ZBTB20: variants seen among roughly 807,000 people sequenced by gnomAD.
ZBTB20 encodes zinc finger and BTB domain containing 20.
A neutral mutation model predicts 56.9 loss-of-function variants in ZBTB20; 9 were observed. That is an observed-to-expected ratio of 0.16 (90% CI 0.10 to 0.28). The LOEUF (loss-of-function observed/expected upper bound fraction) is 0.28. Among genes scored for constraint, ZBTB20 ranks in the 10% least tolerant of loss-of-function variants. ZBTB20 has a pLI of 1.00. For missense variants in ZBTB20, 655 were observed against 1,003.0 expected (o/e 0.65, Z 4.69); for synonymous variants, 417 against 420.7 (o/e 0.99, Z 0.11).
At chr3:114,566,394 T>C (rs1418491227) in intron 6 of ZBTB20, among the ~76,000 whole-genome samples, 2 of 152,200 alleles carry the variant, frequency 1.3e-5, no homozygotes, top group South Asian at 2.1e-4. Flanking sequence ...AAAGAAGAGG[T>C]GGGTGGTTCC....
intron 8 of ZBTB20, among the ~76,000 whole-genome samples, chr3:114,383,119 T>C (rs1285285312): frequency 6.6e-6 from 1 of 152,244 alleles, no homozygotes; most frequent in Middle Eastern, 3.2e-3. Context: ...ACTACCTGAC[T>C]GGCTGCTTTT....
At chr3:114,712,067 G>A (rs1268590275) in intron 5 of ZBTB20, among the ~76,000 whole-genome samples, 3 of 152,162 alleles carry the variant, frequency 2.0e-5, no homozygotes, top group East Asian at 3.9e-4. Flanking sequence ...TCCTGGCAGC[G>A]ATCAGTGAGT....
At chr3:114,769,548 AATGCATATATATATATATATATAT>A (rs1162765121) in intron 5 of ZBTB20, among the ~76,000 whole-genome samples, 9 of 100,312 alleles carry the variant, frequency 9.0e-5, no homozygotes, top group African/African-American at 3.3e-4. Context: ...TGTGTGCCAA[AATGCATATATATATATATATATAT>A]ATATATATAT....
intron 7 of ZBTB20, among the ~76,000 whole-genome samples, chr3:114,496,465 C>T (rs571872477): frequency 2.6e-5 from 4 of 152,288 alleles, no homozygotes; most frequent in African/African-American, 7.2e-5. Flanking sequence ...CACTGGGGGA[C>T]CTGGGCTTTC....
At chr3:115,077,786 G>A (rs1208180665) in intron 1 of ZBTB20, among the ~76,000 whole-genome samples, 1 of 152,092 alleles carries the variant, frequency 6.6e-6, no homozygotes, top group Non-Finnish European at 1.5e-5. Flanking sequence ...CTGTTGGTAG[G>A]AATGCAAAAT....
chr3:114,880,799 C>T (rs546897562), intron 4 of ZBTB20, among the ~76,000 whole-genome samples: 2 of 152,046 alleles, frequency 1.3e-5, no homozygotes, highest in Non-Finnish European at 2.9e-5. Context: ...TAATATATTG[C>T]TAGTTGAAAA....
chr3:115,051,063 A>C (rs1419032890), intron 2 of ZBTB20, among the ~76,000 whole-genome samples: 1 of 152,108 alleles, frequency 6.6e-6, no homozygotes, highest in African/African-American at 2.4e-5. Context: ...ATTTAACGGA[A>C]ATTTTATAAT....
At chr3:114,362,184 C>T (rs6801092) in intron 10 of ZBTB20, among the ~76,000 whole-genome samples, 1 of 152,122 alleles carries the variant, frequency 6.6e-6, no homozygotes, top group Non-Finnish European at 1.5e-5. Flanking sequence ...GGAAGTTCAC[C>T]TGAACTTCCT....
Position 115,136,993 on chromosome 3 carries a change from C to T in ZBTB20, c.-703+10226G>A, listed in dbSNP as rs117413547. On this transcript the variant is annotated intron_variant, in intron 1 of 11. Transcript: ENST00000675478. ...AATTACAAGAACAACAGAGTACCAC[C>T]GATGATGAACTTGAGGAGAAAGGTG... Among the ~76,000 whole-genome samples the T allele has an allele frequency of 3.3e-5, 5 of 152,006 alleles. No individual in the cohort carries two copies. In the East Asian group the frequency reaches 9.7e-4, roughly 29 times the overall value.
intron 4 of ZBTB20, among the ~76,000 whole-genome samples, chr3:114,803,119 T>C (rs995993353): frequency 6.6e-6 from 1 of 151,588 alleles, no homozygotes; most frequent in African/African-American, 2.4e-5. Flanking sequence ...CTTTCTTTCT[T>C]ATTCCTTTTT....
At chr3:114,488,731 A>C (rs2042409492) in intron 7 of ZBTB20, among the ~76,000 whole-genome samples, 1 of 152,252 alleles carries the variant, frequency 6.6e-6, no homozygotes, top group Non-Finnish European at 1.5e-5. Context: ...TAATCATGTA[A>C]GTGTACAAAC....
At chr3:114,469,843 T>G (rs2039918705) in intron 7 of ZBTB20, among the ~76,000 whole-genome samples, 1 of 152,196 alleles carries the variant, frequency 6.6e-6, no homozygotes, top group Non-Finnish European at 1.5e-5. Flanking sequence ...GTTATTTCAT[T>G]TGCCATTGGA....
At chr3:114,604,854 G>T (rs2057023939) in intron 6 of ZBTB20, among the ~76,000 whole-genome samples, 1 of 152,044 alleles carries the variant, frequency 6.6e-6, no homozygotes, top group Non-Finnish European at 1.5e-5. Context: ...GAACTAGTTG[G>T]GATGAATCCC....
chr3:114,896,870 T>C (rs1045910126), intron 4 of ZBTB20, among the ~76,000 whole-genome samples: 2 of 152,100 alleles, frequency 1.3e-5, no homozygotes, highest in Admixed American at 1.3e-4. Context: ...TTTTATAATA[T>C]CTTCTAAGGC....
At chr3:114,369,242 C>CT (rs1468604502) in intron 10 of ZBTB20, among the ~76,000 whole-genome samples, 6 of 152,242 alleles carry the variant, frequency 3.9e-5, no homozygotes, top group African/African-American at 1.4e-4. Flanking sequence ...CCACACCAAG[C>CT]TTTTTTAAAA....
intron 6 of ZBTB20, among the ~76,000 whole-genome samples, chr3:114,535,218 G>C (rs1012886133): frequency 6.6e-6 from 1 of 152,066 alleles, no homozygotes; most frequent in South Asian, 2.1e-4. Context: ...TTTTTGAAAA[G>C]ATTAACAAAG....
intron 4 of ZBTB20, among the ~76,000 whole-genome samples, chr3:114,883,970 G>C (rs678524): frequency 9.9e-6 from 1 of 100,820 alleles, no homozygotes; most frequent in Non-Finnish European, 2.0e-5. Flanking sequence ...CTGTCGCCCA[G>C]GCTGGAGTGC....
chr3:114,875,530 A>C (rs2076160384), intron 4 of ZBTB20, among the ~76,000 whole-genome samples: 1 of 152,172 alleles, frequency 6.6e-6, no homozygotes, highest in African/African-American at 2.4e-5. Flanking sequence ...GAAAATGGGG[A>C]TATAAAACCA....
At chr3:115,000,858 A>G (rs1480698157) in intron 2 of ZBTB20, among the ~76,000 whole-genome samples, 1 of 151,540 alleles carries the variant, frequency 6.6e-6, no homozygotes, top group Non-Finnish European at 1.5e-5. Context: ...GAATTCTGAG[A>G]ATATATAACA....
Sources: allele counts gnomAD v4.1 joint callset (sites outside exome capture counted in the v4.1 genomes callset), GRCh38; gene constraint gnomAD v4.1.1; transcripts MANE v1.5; gene names NCBI Gene and HGNC (gene_info 2026-07-23, HGNC 2026-07-21).